PARP14: variants seen among roughly 807,000 people sequenced by gnomAD.
The protein encoded by PARP14 is poly(ADP-ribose) polymerase family member 14.
A neutral mutation model predicts 154.2 loss-of-function variants in PARP14; 59 were observed. That is an observed-to-expected ratio of 0.38 (90% CI 0.31 to 0.48). The LOEUF is 0.48. Among genes scored for constraint, PARP14 ranks in the 20% least tolerant of loss-of-function variants. The probability of loss-of-function intolerance (pLI) is 0.98; values close to 1 mark genes in which losing one functional copy is unlikely to be tolerated. For synonymous variants in PARP14, 720 were observed against 780.5 expected, an observed-to-expected ratio of 0.92 and a Z score of 1.29; for missense variants, 1,734 against 2,131.6, an observed-to-expected ratio of 0.81 and a Z score of 3.67.
intron 15 of PARP14, among the ~76,000 whole-genome samples, chr3:122,726,079 G>A (rs2107656744): frequency 6.6e-6 from 1 of 152,170 alleles, no homozygotes; most frequent in East Asian, 1.9e-4. Context: ...TCTGCTTTTT[G>A]TGTTGCTTTT....
At chr3:122,723,230 A>G (rs999014410) in intron 15 of PARP14, among the ~76,000 whole-genome samples, 10 of 152,104 alleles carry the variant, frequency 6.6e-5, no homozygotes, top group Non-Finnish European at 1.0e-4. Flanking sequence ...GTGAGCCACC[A>G]CATCTGGCCA....
At chr3:122,693,148 C>T (rs1938594438) in intron 4 of PARP14, among the ~76,000 whole-genome samples, 2 of 152,220 alleles carry the variant, frequency 1.3e-5, no homozygotes, top group Admixed American at 1.3e-4. Flanking sequence ...ATCTCTACAC[C>T]TGTCCTCTTA....
intron 3 of PARP14, among the ~76,000 whole-genome samples, chr3:122,688,524 G>GA (rs1938444035): frequency 6.6e-6 from 1 of 152,146 alleles, no homozygotes; most frequent in African/African-American, 2.4e-5. Context: ...AGCCAGCTAG[G>GA]AATTTGGGTT....
intron 5 of PARP14, among the ~76,000 whole-genome samples, chr3:122,696,823 G>A (rs184849060): frequency 6.6e-6 from 1 of 152,196 alleles, no homozygotes; most frequent in Non-Finnish European, 1.5e-5. Context: ...CTTTCTCCCT[G>A]ATCTCTTTGC....
chr3:122,716,453 A>G (rs1932999510), intron 12 of PARP14, among the ~76,000 whole-genome samples: 1 of 152,240 alleles, frequency 6.6e-6, no homozygotes, highest in Non-Finnish European at 1.5e-5. Context: ...TAGAAAGATA[A>G]CTAAGAAAAG....
chr3:122,700,162 T>G lies in PARP14; in HGVS notation c.1608T>G (p.Ile536Met), dbSNP rs761482835. 6.2e-7 allele frequency: 1 copy of G among 1,613,238 alleles called. No homozygotes were observed. Among genetic ancestry groups the G allele is most frequent in the Non-Finnish European group, 8.5e-7 (1 of 1,179,508 alleles). The change falls in exon 6 of 17, where the codon ATT (isoleucine) becomes ATG (methionine). Residue 536 changes from isoleucine to methionine, a missense_variant. This residue lies in a region of PARP14 where 1,646 missense variants were observed against 1,976.0 expected (regional missense o/e 0.83). Transcript: ENST00000474629. ...EKVYTMAQKN[I>M]QVSPEIFQFL... ...TGTACACCATGGCTCAGAAAAACAT[T>G]CAGGTTTCTCCTGAGATTTTTCAGT...
At chr3:122,724,667 T>C (rs1254147059) in intron 15 of PARP14, among the ~76,000 whole-genome samples, 1 of 151,424 alleles carries the variant, frequency 6.6e-6, no homozygotes, top group African/African-American at 2.4e-5. Flanking sequence ...TTTTTTAGTA[T>C]TTATTGATCA....
Position 122,718,830 on chromosome 3 carries a change from G to A in PARP14, c.4679G>A (p.Arg1560Lys). 6.2e-7 allele frequency: 1 copy of A among 1,613,920 alleles called. No homozygotes were observed. The highest frequency in any genetic ancestry group is 8.5e-7 in the Non-Finnish European group (1 of 1,179,862). ...ACCAATCTGAAATTAGAGGATGCAA[G>A]GAGAGAAAAGAAAAAAACAGTTGAT... ...KMTNLKLEDA[R>K]REKKKTVDVK... Residue 1560 changes from arginine to lysine, a missense_variant, in exon 14 of 17, where the codon AGG (arginine) becomes AAG (lysine). Arg to Lys is a conservative substitution (Grantham distance 26). Around this residue, in one of 2 missense-constraint regions of PARP14, gnomAD observed 1,646 missense variants for 1,976.0 expected, o/e 0.83. Transcript: ENST00000474629.
Position 122,700,469 on chromosome 3 carries a change from T to A in PARP14, c.1915T>A (p.Ser639Thr), listed in dbSNP as rs753163555. 6.2e-7 allele frequency: 1 copy of A among 1,612,918 alleles called. No homozygotes were observed. Among genetic ancestry groups the A allele is most frequent in the Non-Finnish European group, 8.5e-7 (1 of 1,179,350 alleles). The change falls in exon 6 of 17, where the codon TCA becomes ACA. Residue 639 changes from serine (S) to threonine (T), a missense_variant. Physicochemically the swap from Ser to Thr is moderately conservative, Grantham distance 58 (BLOSUM62 1). This residue lies in a region of PARP14 where 1,646 missense variants were observed against 1,976.0 expected (regional missense o/e 0.83). Transcript: ENST00000474629. Reference sequence around the variant, plus strand: ...CACTGTAATCATCAATGAGTTAACTTCAGAAACCACAGCTGAAGTCATCAT... The same window carrying A: ...CACTGTAATCATCAATGAGTTAACTACAGAAACCACAGCTGAAGTCATCAT... ...PNTVIINELT[S>T]ETTAEVIITG...
At chr3:122,719,113 C>T (rs1196253229) in intron 14 of PARP14, among the ~76,000 whole-genome samples, 155 bp downstream of exon 14, 2 of 152,166 alleles carry the variant, frequency 1.3e-5, no homozygotes, top group African/African-American at 4.8e-5. Context: ...AAAGAGCTTA[C>T]GTTATGGCCA....
At chr3:122,714,598 C>G (rs544304852) in intron 12 of PARP14, among the ~76,000 whole-genome samples, 169 bp downstream of exon 12, 3 of 152,116 alleles carry the variant, frequency 2.0e-5, no homozygotes, top group African/African-American at 7.2e-5. Flanking sequence ...AATGACAAAG[C>G]CTGTGGATTG....
chr3:122,719,413 G>A (rs1156685158), intron 14 of PARP14, among the ~76,000 whole-genome samples: 1 of 152,172 alleles, frequency 6.6e-6, no homozygotes, highest in East Asian at 1.9e-4. Context: ...GGAGGATCGG[G>A]AGCCTGTAGG....
At chr3:122,690,214 A>G (rs1938495323) in intron 3 of PARP14, among the ~76,000 whole-genome samples, 1 of 152,208 alleles carries the variant, frequency 6.6e-6, no homozygotes, top group African/African-American at 2.4e-5. Context: ...CTTTCAGTCC[A>G]GTTCACTTAG....
chr3:122,717,174 C>T (rs189109273), intron 12 of PARP14, among the ~76,000 whole-genome samples: 1 of 152,198 alleles, frequency 6.6e-6, no homozygotes, highest in Non-Finnish European at 1.5e-5. Context: ...GTCAAAGAAG[C>T]CTACTCTTCT....
Position 122,699,777 on chromosome 3 carries a change from C to T in PARP14, c.1223C>T (p.Thr408Ile), listed in dbSNP as rs201075521. ...GTCAACCCAATTAAAGTGGATCCAA[C>T]AATGTGGGACACCATAAAAAATGAT... ...YKVNPIKVDP[T>I]MWDTIKNDVK... is the part of the protein sequence containing the mutation. The change falls in exon 6 of 17, where the codon ACA becomes ATA. Residue 408 changes from threonine to isoleucine, a missense_variant. By Grantham distance (89) the Thr-to-Ile change is moderately conservative. This residue lies in a region of PARP14 where 1,646 missense variants were observed against 1,976.0 expected (regional missense o/e 0.83). Transcript: ENST00000474629. 8 of 1,613,916 alleles carry T rather than the reference C, an allele frequency of 5.0e-6. No individual in the cohort carries two copies. The highest frequency in any genetic ancestry group is 5.9e-6 in the Non-Finnish European group (7 of 1,179,850).
At chr3:122,703,605 T>C in intron 6 of PARP14, 137 bp from the exon 7 acceptor site, 1 of 605,516 alleles carries the variant, frequency 1.7e-6, no homozygotes, top group Non-Finnish European at 3.0e-6. Context: ...CTTTGTCTTA[T>C]GTTGATATTT....
At chr3:122,704,495 A>G in intron 7 of PARP14, 32 bp from the exon 8 acceptor site, 4 of 1,344,034 alleles carry the variant, frequency 3.0e-6, no homozygotes, top group Non-Finnish European at 4.2e-6. Context: ...TTTCTAGACA[A>G]GATGTATAAG....
chr3:122,728,643 C>G lies in PARP14; in HGVS notation c.*46C>G. ...AAAATTATTCTCCATTTGTACATAT[C>G]TAGTTGTAAAACAAGTTTTAGCTTT... On this transcript the variant is annotated 3_prime_UTR_variant, in exon 17 of 17. Coordinates refer to ENST00000474629, the MANE Select transcript of PARP14 (RefSeq NM_017554.3). 1 of 1,445,438 alleles carries G rather than the reference C, an allele frequency of 6.9e-7. No homozygotes were observed. The highest frequency in any genetic ancestry group is 9.5e-7 in the Non-Finnish European group (1 of 1,056,098). 89.5% of individuals were successfully genotyped at this position (1,445,438 alleles called of 1,614,324 possible).
chr3:122,695,085 C>T lies in PARP14; in HGVS notation c.599-341C>T, dbSNP rs760625486. 5.7e-4 allele frequency among the ~76,000 whole-genome samples: 87 copies of T among 152,310 alleles called. 1 individual carries two copies. The highest frequency in any genetic ancestry group is 3.9e-4 in the Admixed American group (6 of 15,298). On this transcript the variant is annotated intron_variant, in intron 4 of 16. Coordinates refer to ENST00000474629, the MANE Select transcript of PARP14 (RefSeq NM_017554.3). ...TGTACACCTGGCTGAGGAGTGTCAA[C>T]GCTCATACCTGCAGGTAATGGGGAG...
Sources: allele counts gnomAD v4.1 joint callset (sites outside exome capture counted in the v4.1 genomes callset), GRCh38; gene constraint gnomAD v4.1.1; regional missense constraint gnomAD v4.1.1; transcripts MANE v1.5; gene names NCBI Gene and HGNC (gene_info 2026-07-23, HGNC 2026-07-21).